The following FNBP4 variants were observed in gnomAD, a reference collection of about 807,000 sequenced individuals.
FNBP4 encodes formin-binding protein 4.
A neutral mutation model predicts 119.3 loss-of-function variants in FNBP4; 34 were observed. That is an observed-to-expected ratio of 0.28 (90% CI 0.22 to 0.38). The LOEUF (loss-of-function observed/expected upper bound fraction) is 0.38. Among genes scored for constraint, FNBP4 ranks in the 10% least tolerant of loss-of-function variants. The pLI is 1.00. For missense variants in FNBP4, 1,112 were observed against 1,228.9 expected (o/e 0.90, Z 1.42); for synonymous variants, 462 against 430.6 (o/e 1.07, Z -0.90).
At chr11:47,754,457 C>A in intron 3 of FNBP4, 71 bp downstream of exon 3, 1 of 1,505,176 alleles carries the variant, frequency 6.6e-7, no homozygotes, top group Non-Finnish European at 9.1e-7. Flanking sequence ...CTGACAAGTA[C>A]GCTGACCACT....
Position 47,724,061 on chromosome 11 carries a change from G to C in FNBP4, c.2431C>G (p.Pro811Ala). The C allele has an allele frequency of 1.2e-6, 2 of 1,614,132 alleles. No individual in the cohort carries two copies. The highest frequency in any genetic ancestry group is 1.7e-6 in the Non-Finnish European group (2 of 1,180,022). The change falls in exon 14 of 17, where the codon CCA becomes GCA. Residue 811 changes from proline (P) to alanine (A), a missense_variant. Coordinates refer to ENST00000263773, the MANE Select transcript of FNBP4 (RefSeq NM_015308.5). ...ATAGCTGACTGGCTATAGAGAACTG[G>C]AGAACTGCCAATGGTAGCTGACCTC... The part of the protein sequence containing the change: ...VQRSATIGSS[P>A]VLYSQSAIAT...
intron 6 of FNBP4, among the ~76,000 whole-genome samples, chr11:47,748,895 C>T (rs991127793): frequency 2.0e-5 from 3 of 152,074 alleles, no homozygotes; most frequent in African/African-American, 7.2e-5. Context: ...GATCCGCCTG[C>T]CTTGACCTCT....
Position 47,767,303 on chromosome 11 carries a change from C to G in FNBP4, c.-15G>C. On this transcript the variant is annotated 5_prime_UTR_variant, in exon 1 of 17. Transcript: ENST00000263773. ...TTCTTCCCCATCGCGAGCCCAAGCG[C>G]GAGCAGAGAGCGTCGGGCGGCCGAG... is the stretch of plus-strand genomic sequence containing the variant. The G allele has an allele frequency of 6.7e-7, 1 of 1,488,816 alleles. No individual in the cohort carries two copies. Among genetic ancestry groups the G allele is most frequent in the Middle Eastern group, 2.0e-4 (1 of 5,030 alleles). 92.2% of individuals were successfully genotyped at this position (1,488,816 alleles called of 1,614,324 possible). A position where few individuals can be genotyped will look rare whatever the true frequency, so the allele number is the denominator to read the frequency against.
intron 1 of FNBP4, among the ~76,000 whole-genome samples, chr11:47,766,663 T>C (rs2097648288): frequency 6.6e-6 from 1 of 152,242 alleles, no homozygotes; most frequent in Admixed American, 6.5e-5. Context: ...TCTATCCCCG[T>C]TTCGACAAAA....
chr11:47,750,026 C>T (rs1416708905), intron 6 of FNBP4, among the ~76,000 whole-genome samples: 2 of 152,024 alleles, frequency 1.3e-5, no homozygotes, highest in Non-Finnish European at 2.9e-5. Context: ...TGGACTGCTG[C>T]TCCCACGTCC....
At chr11:47,727,712 A>G (rs1276872927) in intron 12 of FNBP4, among the ~76,000 whole-genome samples, 3 of 152,248 alleles carry the variant, frequency 2.0e-5, no homozygotes, top group Non-Finnish European at 2.9e-5. Flanking sequence ...CATAGAAATG[A>G]CAATTATCTC....
intron 2 of FNBP4, among the ~76,000 whole-genome samples, chr11:47,754,934 C>T (rs368011351): frequency 2.0e-5 from 3 of 149,946 alleles, no homozygotes; most frequent in Non-Finnish European, 4.4e-5. Context: ...TGAGGTCAGG[C>T]GTTTTGAGAC....
At chr11:47,754,147 C>T (rs374489873) in intron 3 of FNBP4, among the ~76,000 whole-genome samples, 73 of 149,906 alleles carry the variant, frequency 4.9e-4, no homozygotes, top group African/African-American at 1.7e-3. Context: ...AGACAGGTTG[C>T]GGTGAGGCGA....
rs550768058 is a variant in FNBP4, at chr11:47,732,398, G to C, written c.1820+139C>G. ...GTGGCTGGCCAAACTTTGTGCTTGC[G>C]GTGCTTTGCCTGCCCAGCACCGCTA... On this transcript the variant is annotated intron_variant, in intron 11 of 16. Transcript: ENST00000263773. This position sits in a 1 kb window ranked among gnomAD's most constrained non-coding sequence, Gnocchi z 4.2. 4 of 1,514,304 alleles carry C rather than the reference G, an allele frequency of 2.6e-6. No individual in the cohort carries two copies. Among genetic ancestry groups the C allele is most frequent in the Non-Finnish European group, 3.5e-6 (4 of 1,133,314 alleles). 93.8% of individuals were successfully genotyped at this position (1,514,304 alleles called of 1,614,324 possible). A position where few individuals can be genotyped will look rare whatever the true frequency, so the allele number is the denominator to read the frequency against.
chr11:47,767,331 G>A lies in FNBP4; in HGVS notation c.-43C>T, dbSNP rs1040594505. 4.9e-6 allele frequency: 7 copies of A among 1,433,956 alleles called. No homozygotes were observed. Among genetic ancestry groups the A allele is most frequent in the Non-Finnish European group, 6.4e-6 (7 of 1,099,542 alleles). 88.8% of individuals were successfully genotyped at this position (1,433,956 alleles called of 1,614,324 possible). On this transcript the variant is annotated 5_prime_UTR_variant, in exon 1 of 17. Coordinates refer to ENST00000263773, the MANE Select transcript of FNBP4 (RefSeq NM_015308.5). ...GCAGAGAGCGTCGGGCGGCCGAGAGGGGCGGGCACTGGAGGCTGGGCGCTG... is the reference window on the plus strand; with the variant it reads ...GCAGAGAGCGTCGGGCGGCCGAGAGAGGCGGGCACTGGAGGCTGGGCGCTG...
chr11:47,747,985 G>A (rs911438604), intron 6 of FNBP4, among the ~76,000 whole-genome samples: 4 of 151,896 alleles, frequency 2.6e-5, no homozygotes, highest in South Asian at 2.1e-4. Flanking sequence ...GCTCATGCCC[G>A]TAATCCCAGC....
intron 2 of FNBP4, 81 bp from the exon 3 acceptor site, chr11:47,754,745 G>T: frequency 6.8e-7 from 1 of 1,480,988 alleles, no homozygotes; most frequent in Non-Finnish European, 9.1e-7. Flanking sequence ...AGTATAACAT[G>T]TTTTTTTTAA....
At chr11:47,724,920 A>G (rs1180085787) in intron 12 of FNBP4, 142 bp from the exon 13 acceptor site, 1 of 1,246,140 alleles carries the variant, frequency 8.0e-7, no homozygotes, top group African/African-American at 1.5e-5. Flanking sequence ...TGTGGTGTCA[A>G]ACAGCAGGGA....
intron 9 of FNBP4, among the ~76,000 whole-genome samples, chr11:47,736,207 C>T (rs945934972): frequency 9.3e-5 from 14 of 150,040 alleles, no homozygotes; most frequent in Admixed American, 2.7e-4. Context: ...GGCCACGGCA[C>T]TCCAGCCTGG....
intron 12 of FNBP4, chr11:47,729,761 C>A: frequency 1.0e-6 from 1 of 985,414 alleles, no homozygotes; most frequent in Non-Finnish European, 1.2e-6. Context: ...CTGGTTTTAA[C>A]CACCACTGAG....
chr11:47,753,568 G>A (rs1003549471), intron 3 of FNBP4, among the ~76,000 whole-genome samples: 2 of 151,942 alleles, frequency 1.3e-5, no homozygotes, highest in African/African-American at 2.4e-5. Context: ...CCGAGATCAC[G>A]CTACTGCATT....
In FNBP4 at chr11:47,723,137, C is replaced by T. The variant is rs1458796044; in HGVS notation, c.2644G>A (p.Gly882Arg). 1 of 1,613,820 alleles carries T rather than the reference C, an allele frequency of 6.2e-7. No homozygotes were observed. The highest frequency in any genetic ancestry group is 1.3e-5 in the African/African-American group (1 of 74,814). The change falls in exon 15 of 17, where the codon GGA (glycine) becomes AGA (arginine). Residue 882 changes from glycine (G) to arginine (R), a missense_variant. By Grantham distance (125) the Gly-to-Arg change is moderately radical. Transcript: ENST00000263773. ...MSYAECSVPI[G>R]VTAPSLQPVQ... ...GGCTGCAATGAGGGAGCAGTCACTC[C>T]AATTGGGACAGAACATTCTGCATAA...
chr11:47,731,337 C>A, intron 12 of FNBP4, 37 bp downstream of exon 12: 1 of 1,532,436 alleles, frequency 6.5e-7, no homozygotes, highest in South Asian at 1.3e-5. Context: ...CCTCTAAAGT[C>A]ATTTTGGCTG....
Position 47,752,962 on chromosome 11 carries a change from G to A in FNBP4, c.591C>T (p.Thr197=). ...TATCATATTGCCAACCAGATGTTTG[G>A]GTGGAGTCTGTTCCATTTGAAGTAG... ...SSSTSNGTDS[T]QTSGWQYDTQ... Residue 197 remains threonine, a synonymous_variant, in exon 4 of 17, where the codon ACC becomes ACT. Coordinates refer to ENST00000263773, the MANE Select transcript of FNBP4 (RefSeq NM_015308.5). The A allele has an allele frequency of 3.1e-6, 5 of 1,614,020 alleles. No homozygotes were observed. The highest frequency in any genetic ancestry group is 4.2e-6 in the Non-Finnish European group (5 of 1,179,948).
Sources: allele counts gnomAD v4.1 joint callset (sites outside exome capture counted in the v4.1 genomes callset), GRCh38; gene constraint gnomAD v4.1.1; non-coding constraint Gnocchi (gnomAD v3.1); transcripts MANE v1.5; gene names NCBI Gene and HGNC (gene_info 2026-07-23, HGNC 2026-07-21).